The following TAMM41 variants were observed in gnomAD, a reference collection of about 807,000 sequenced individuals.
TAMM41 encodes TAM41 mitochondrial translocator assembly and maintenance homolog.
TAMM41 carries 36 observed loss-of-function variants against 44.1 expected under a neutral mutation model. That is an observed-to-expected ratio of 0.82 (90% CI 0.63 to 1.08). The LOEUF is 1.08. Ranked by LOEUF, TAMM41 falls within the 50% of genes least tolerant of loss-of-function variation. The pLI, the probability that TAMM41 is intolerant of heterozygous loss-of-function variation, is 0.00. For synonymous variants in TAMM41, 164 were observed against 153.1 expected, an observed-to-expected ratio of 1.07 and a Z score of -0.53; for missense variants, 417 against 404.3, an observed-to-expected ratio of 1.03 and a Z score of -0.27.
chr3:11,778,253 C>T, the TAMM41 span, among the ~76,000 whole-genome samples: 2 of 151,962 alleles, frequency 1.3e-5, no homozygotes, highest in Non-Finnish European at 2.9e-5. Context: ...GAGACAGGGT[C>T]TCGTTCTGTC....
chr3:11,747,840 TGTCTATTCAA>T, the TAMM41 span, among the ~76,000 whole-genome samples: 1 of 151,778 alleles, frequency 6.6e-6, no homozygotes, highest in Non-Finnish European at 1.5e-5. Flanking sequence ...AGATGAGAAG[TGTCTATTCAA>T]GTCTATTCAA....
the TAMM41 span, among the ~76,000 whole-genome samples, chr3:11,777,579 C>T: frequency 3.9e-5 from 6 of 152,100 alleles, no homozygotes; most frequent in Admixed American, 6.5e-5. Context: ...GGATCATTTG[C>T]GATCCAGAGT....
At chr3:11,774,955 G>GC in the TAMM41 span, among the ~76,000 whole-genome samples, 5 of 145,898 alleles carry the variant, frequency 3.4e-5, no homozygotes, top group Admixed American at 2.9e-4. Context: ...CGCAATCTCC[G>GC]CCCCCCAGGT....
At chr3:11,768,164 G>C in the TAMM41 span, among the ~76,000 whole-genome samples, 1 of 151,562 alleles carries the variant, frequency 6.6e-6, no homozygotes, top group Non-Finnish European at 1.5e-5. Flanking sequence ...TTGAGATGGG[G>C]TTTCATTCTG....
At chr3:11,735,596 T>C in the TAMM41 span, among the ~76,000 whole-genome samples, 9 of 150,618 alleles carry the variant, frequency 6.0e-5, no homozygotes, top group South Asian at 1.1e-3. Flanking sequence ...GTTCATGTCA[T>C]TGCACTCCAG....
intron 5 of TAMM41, 113 bp from the exon 6 acceptor site, chr3:11,809,795 C>G (rs533872127): frequency 1.1e-5 from 12 of 1,050,488 alleles, no homozygotes; most frequent in Non-Finnish European, 1.2e-5. Context: ...CACCCACACC[C>G]CTGGCGAGGC....
At chr3:11,846,348 G>A (rs1364349482) in intron 1 of TAMM41, among the ~76,000 whole-genome samples, 154 bp downstream of exon 1, 3 of 152,196 alleles carry the variant, frequency 2.0e-5, no homozygotes, top group Admixed American at 1.3e-4. Context: ...TCGCGCTGTC[G>A]TTATACTAGG....
chr3:11,796,927 T>A (rs192227518), intron 7 of TAMM41, among the ~76,000 whole-genome samples: 97 of 152,158 alleles, frequency 6.4e-4, no homozygotes, highest in African/African-American at 2.2e-3. Flanking sequence ...TAAAAAGGAA[T>A]ACATCTAACC....
intron 7 of TAMM41, 138 bp from the exon 8 acceptor site, chr3:11,790,719 G>A: frequency 1.4e-6 from 1 of 699,158 alleles, no homozygotes. Context: ...AGACCAGGGA[G>A]CTGAAGGTGA....
the TAMM41 span, among the ~76,000 whole-genome samples, chr3:11,762,125 C>T: frequency 6.6e-6 from 1 of 151,994 alleles, no homozygotes; most frequent in Non-Finnish European, 1.5e-5. Flanking sequence ...CCCTGCAGGC[C>T]CATTCGTCAC....
At chr3:11,769,400 G>C in the TAMM41 span, among the ~76,000 whole-genome samples, 2 of 144,048 alleles carry the variant, frequency 1.4e-5, no homozygotes, top group East Asian at 4.0e-4. Context: ...GGTGTGGTTC[G>C]ATCTGAGGTT....
chr3:11,756,370 G>C, the TAMM41 span, among the ~76,000 whole-genome samples: 1 of 152,274 alleles, frequency 6.6e-6, no homozygotes, highest in Non-Finnish European at 1.5e-5. Flanking sequence ...GAATAGGCAG[G>C]ACCTGTCATT....
the TAMM41 span, among the ~76,000 whole-genome samples, chr3:11,735,916 G>A: frequency 1.3e-5 from 2 of 152,092 alleles, no homozygotes; most frequent in African/African-American, 4.8e-5. Context: ...CAGCGTGGCT[G>A]CAGTGGGGTT....
the TAMM41 span, among the ~76,000 whole-genome samples, chr3:11,730,990 G>GC: frequency 6.6e-6 from 1 of 152,106 alleles, no homozygotes; most frequent in South Asian, 2.1e-4. Context: ...ACCTGCTCAA[G>GC]CCTCTATTTC....
the TAMM41 span, among the ~76,000 whole-genome samples, chr3:11,726,254 A>T: frequency 6.6e-6 from 1 of 152,244 alleles, no homozygotes; most frequent in Admixed American, 6.5e-5. Flanking sequence ...AAAAGCACTG[A>T]GGAATCTGAA....
chr3:11,799,089 G>A (rs2077682023), intron 7 of TAMM41, among the ~76,000 whole-genome samples: 1 of 151,972 alleles, frequency 6.6e-6, no homozygotes, highest in Non-Finnish European at 1.5e-5. Flanking sequence ...GCCAGGTGTG[G>A]TATTGCATCC....
the TAMM41 span, among the ~76,000 whole-genome samples, chr3:11,732,989 G>GGT: frequency 3.1e-5 from 4 of 128,464 alleles, no homozygotes; most frequent in Non-Finnish European, 4.9e-5. Context: ...TATGATTTGA[G>GGT]TTTTTTTTTT....
chr3:11,822,845 C>T (rs966583021), intron 4 of TAMM41, among the ~76,000 whole-genome samples: 13 of 152,166 alleles, frequency 8.5e-5, no homozygotes, highest in Non-Finnish European at 1.2e-4. Context: ...AATGCTGCTA[C>T]GTACAAGTTT....
intron 7 of TAMM41, among the ~76,000 whole-genome samples, chr3:11,793,402 G>C (rs909131439): frequency 2.6e-5 from 4 of 152,162 alleles, no homozygotes; most frequent in African/African-American, 9.7e-5. Context: ...CTCTGCTAGT[G>C]CAAGTATAAA....
Sources: gnomAD v4.1 joint callset for allele counts (sites outside exome capture counted in the v4.1 genomes callset) on GRCh38, gnomAD v4.1.1 for gene constraint, MANE v1.5 for transcripts, NCBI Gene and HGNC (gene_info 2026-07-23, HGNC 2026-07-21) for gene names.